TASOR2: variants seen among roughly 807,000 people sequenced by gnomAD.
TASOR2 encodes transcription activation suppressor family member 2, also known as protein TASOR 2.
In TASOR2, 84 loss-of-function variants were observed where a neutral mutation model predicts 199.5. The ratio of observed to expected loss-of-function variants is 0.42; its 90% CI spans 0.35 to 0.50. The LOEUF (loss-of-function observed/expected upper bound fraction) is 0.50. Among genes scored for constraint, TASOR2 ranks in the 20% least tolerant of loss-of-function variants. The pLI, the probability that TASOR2 is intolerant of heterozygous loss-of-function variation, is 0.02. For synonymous variants in TASOR2, 1,103 were observed against 1,046.6 expected (o/e 1.05, Z -1.04); for missense variants, 2,796 against 2,835.9 (o/e 0.99, Z 0.32).
chr10:5,733,784 T>G (rs1371619044), intron 11 of TASOR2, among the ~76,000 whole-genome samples: 1 of 152,212 alleles, frequency 6.6e-6, no homozygotes, highest in Non-Finnish European at 1.5e-5. Context: ...CTGATTTATT[T>G]TTATTTTGCT....
In TASOR2 at chr10:5,735,469, A is replaced by G. The variant is rs141323344; in HGVS notation, c.1370A>G (p.Lys457Arg). 1.8e-4 allele frequency: 291 copies of G among 1,614,202 alleles called. No homozygotes were observed. The highest frequency in any genetic ancestry group is 2.3e-4 in the Non-Finnish European group (273 of 1,180,024). The stretch of plus-strand genomic sequence containing the variant: ...GTTCCAAGGGCTAAGCCACCTGTGA[A>G]GAAATCTCCACAAAAACAGAGAGTA... Residue 457 changes from lysine (K) to arginine (R), a missense_variant, in exon 12 of 21, where the codon AAG becomes AGG. Around this residue, in one of 3 missense-constraint regions of TASOR2, gnomAD observed 847 missense variants for 887.4 expected, o/e 0.95. Coordinates refer to ENST00000328090, the Ensembl canonical transcript of TASOR2.
chr10:5,742,119 GAT>G lies in TASOR2; in HGVS notation c.2352_2353del (p.Asp784GlufsTer44). 5.0e-6 allele frequency: 8 copies of G among 1,614,080 alleles called. No homozygotes were observed. The highest frequency in any genetic ancestry group is 6.8e-6 in the Non-Finnish European group (8 of 1,179,998). ...TAGGCCCTGGAATACTGATTTGCCT[GAT>G]AATGTGGAAGAAGTGAAGCTTTTAC... On this transcript the variant is annotated frameshift_variant, in exon 14 of 21. Coordinates refer to ENST00000328090, the Ensembl canonical transcript of TASOR2. LOFTEE classifies it high-confidence loss of function. The surrounding 1 kb of genome is among the most constrained non-coding windows in gnomAD (Gnocchi z 4.2).
At chr10:5,749,864 A>G (rs769623793) in exon 15 of TASOR2, 26 of 1,614,118 alleles carry the variant, frequency 1.6e-5, no homozygotes, top group Non-Finnish European at 1.7e-6. Context: ...CAAGAGATGT[A>G]TCTGCCTTTC....
At chr10:5,715,321 A>G (rs1006556896) in intron 2 of TASOR2, among the ~76,000 whole-genome samples, 1 of 152,050 alleles carries the variant, frequency 6.6e-6, no homozygotes. Context: ...TAACCATCAT[A>G]ACAGTCAATT....
chr10:5,754,266 C>T lies in TASOR2; in HGVS notation c.6607-2347C>T, dbSNP rs565998735. ...TAAGCCACTGTGCTCCCAGCCTGCC[C>T]GACAGAGTGAGACTCCACAACAGAG... is the stretch of plus-strand genomic sequence containing the variant. On this transcript the variant is annotated intron_variant, in intron 15 of 20. Coordinates refer to ENST00000328090, the Ensembl canonical transcript of TASOR2. This position sits in a 1 kb window ranked among gnomAD's most constrained non-coding sequence, Gnocchi z 4.3. Among the ~76,000 whole-genome samples, 5 of 152,226 alleles carry T rather than the reference C, an allele frequency of 3.3e-5. No homozygotes were observed. The highest frequency in any genetic ancestry group is 4.1e-4 in the South Asian group (2 of 4,828).
chr10:5,714,243 A>G (rs1832310570), intron 2 of TASOR2, 36 bp downstream of exon 3: 5 of 1,201,536 alleles, frequency 4.2e-6, no homozygotes, highest in Non-Finnish European at 5.2e-6. Flanking sequence ...TTAAAAAAAA[A>G]TCTTCTTTTA....
chr10:5,762,632 T>G, exon 20 of TASOR2: 1 of 1,410,328 alleles, frequency 7.1e-7, no homozygotes, highest in Non-Finnish European at 9.8e-7. Flanking sequence ...CAGCTCCATT[T>G]AGGAGTAGCT....
chr10:5,746,527 G>A (rs1445272281), exon 15 of TASOR2: 2 of 1,613,952 alleles, frequency 1.2e-6, no homozygotes, highest in Non-Finnish European at 1.7e-6. Context: ...CCCTTCCTTG[G>A]AAAGAAAGGA....
chr10:5,720,140 A>G lies in TASOR2; in HGVS notation c.-99-404A>G, dbSNP rs565871228. On this transcript the variant is annotated intron_variant, in intron 3 of 20. Coordinates refer to ENST00000328090, the Ensembl canonical transcript of TASOR2. This position sits in a 1 kb window ranked among gnomAD's most constrained non-coding sequence, Gnocchi z 5.3. Reference sequence around the variant, plus strand: ...GTTTTTCTAAGAAGTATAGTTCTTAATACAGTTACTGTTAGGGGACACATA... The same window carrying G: ...GTTTTTCTAAGAAGTATAGTTCTTAGTACAGTTACTGTTAGGGGACACATA... 1.9e-4 allele frequency: 72 copies of G among 369,650 alleles called. No homozygotes were observed. Among genetic ancestry groups the G allele is most frequent in the Admixed American group, 1.9e-3 (29 of 15,532 alleles). The allele number at this position is 369,650 out of a possible 1,614,324, so 22.9% of individuals were successfully genotyped here.
chr10:5,726,324 G>A (rs1158550942), intron 8 of TASOR2, among the ~76,000 whole-genome samples: 1 of 152,080 alleles, frequency 6.6e-6, no homozygotes, highest in Non-Finnish European at 1.5e-5. Context: ...TCTAATAGAG[G>A]GGAACAAAAG....
rs745809270 is a variant in TASOR2 at position 5,748,158 on chromosome 10, A to C, written c.4737A>C (p.Arg1579Ser). ...CCAGTGAACCTCCATTTGGTCCTAG[A>C]AATGTTATTGAAAATAAGTCTTTGT... is the stretch of plus-strand genomic sequence containing the variant. The change falls in exon 15 of 21, where the codon AGA becomes AGC. Residue 1579 changes from arginine (R) to serine (S), a missense_variant. Transcript: ENST00000328090. The surrounding 1 kb of genome is among the most constrained non-coding windows in gnomAD (Gnocchi z 5.1). 3.1e-6 allele frequency: 5 copies of C among 1,614,232 alleles called. No individual in the cohort carries two copies. The highest frequency in any genetic ancestry group is 2.2e-5 in the South Asian group (2 of 91,090).
At position 5,750,496 on chromosome 10, in the gene TASOR2, G is replaced by A. The variant is rs758286616; in HGVS notation, c.6606+469G>A. ...CTTAAATTTAAGTAATGGAACCATGGTGAAATTCTGGCATGGGCGGAGCCT... is the reference window on the plus strand; with the variant it reads ...CTTAAATTTAAGTAATGGAACCATGATGAAATTCTGGCATGGGCGGAGCCT... On this transcript the variant is annotated intron_variant, in intron 15 of 20. Coordinates refer to ENST00000328090, the Ensembl canonical transcript of TASOR2. This position sits in a 1 kb window ranked among gnomAD's most constrained non-coding sequence, Gnocchi z 5.4. Among the ~76,000 whole-genome samples the A allele has an allele frequency of 4.6e-5, 7 of 152,188 alleles. No individual in the cohort carries two copies. The highest frequency in any genetic ancestry group is 8.8e-5 in the Non-Finnish European group (6 of 68,026).
At chr10:5,757,881 AC>A (rs1480923809) in intron 17 of TASOR2, among the ~76,000 whole-genome samples, 2 of 151,802 alleles carry the variant, frequency 1.3e-5, no homozygotes, top group African/African-American at 4.8e-5. Context: ...ACTGATTCTT[AC>A]CACCACACTT....
Position 5,701,437 on chromosome 10 carries a change from T to G in TASOR2, c.-287-11386T>G, listed in dbSNP as rs151028981. 5.3e-5 allele frequency among the ~76,000 whole-genome samples: 8 copies of G among 152,340 alleles called. No individual in the cohort carries two copies. Among genetic ancestry groups the G allele is most frequent in the African/African-American group, 1.9e-4 (8 of 41,582 alleles). ...TTTTTGCTTAGTATTGGTTTGGCTA[T>G]TCAGGATCTTTTGTGGTTCCATATA... On this transcript the variant is annotated intron_variant, in intron 1 of 20. Transcript: ENST00000328090. The surrounding 1 kb of genome is among the most constrained non-coding windows in gnomAD (Gnocchi z 4.9).
rs945044795 is a variant in TASOR2, at chr10:5,710,407, A to G, written c.-287-2416A>G. On this transcript the variant is annotated intron_variant, in intron 1 of 20. Coordinates refer to ENST00000328090, the Ensembl canonical transcript of TASOR2. This position sits in a 1 kb window ranked among gnomAD's most constrained non-coding sequence, Gnocchi z 4.6. The stretch of plus-strand genomic sequence containing the variant: ...TGGAAGCATTTTTAACCATAAATAA[A>G]TAGTTCTGGAAATAAAAATATATAT... Among the ~76,000 whole-genome samples, 8 of 152,156 alleles carry G rather than the reference A, an allele frequency of 5.3e-5. No homozygotes were observed. Among genetic ancestry groups the G allele is most frequent in the African/African-American group, 1.9e-4 (8 of 41,456 alleles).
In TASOR2 at chr10:5,685,485, T is replaced by C. The variant is rs926973795; in HGVS notation, c.-288+310T>C. On this transcript the variant is annotated intron_variant, in intron 1 of 20. Coordinates refer to ENST00000328090, the Ensembl canonical transcript of TASOR2. The surrounding 1 kb of genome is among the most constrained non-coding windows in gnomAD (Gnocchi z 5.4). ...CAGGGGACAGCTGCGTCCTCAGGGA[T>C]ATGCTGATAAGTTCTTGGCTGAAGT... Among the ~76,000 whole-genome samples, 2 of 152,160 alleles carry C rather than the reference T, an allele frequency of 1.3e-5. No homozygotes were observed. Among genetic ancestry groups the C allele is most frequent in the African/African-American group, 4.8e-5 (2 of 41,434 alleles).
chr10:5,747,524 C>A (rs756669715), exon 15 of TASOR2: 1 of 1,614,114 alleles, frequency 6.2e-7, no homozygotes, highest in African/African-American at 1.3e-5. Flanking sequence ...CAACCAGTTA[C>A]TTTAATACTT....
rs1159624948 is a variant in TASOR2, at chr10:5,740,046, G to T, written c.1876G>T (p.Ala626Ser). Residue 626 changes from alanine (A) to serine (S), a missense_variant, in exon 13 of 21, where the codon GCC (alanine) becomes TCC (serine). Physicochemically the swap from Ala to Ser is moderately conservative, Grantham distance 99. Transcript: ENST00000328090. This position sits in a 1 kb window ranked among gnomAD's most constrained non-coding sequence, Gnocchi z 5.3. ...AGAAAGCTTGGTTCCTTGTAGTCAG[G>T]CCCCTGCTAAAGCCCAGTCAGCACT... 6.2e-7 allele frequency: 1 copy of T among 1,614,050 alleles called. No individual in the cohort carries two copies. Among genetic ancestry groups the T allele is most frequent in the Non-Finnish European group, 8.5e-7 (1 of 1,180,044 alleles).
Position 5,748,452 on chromosome 10 carries a change from G to A in TASOR2, c.5031G>A (p.Glu1677=). Residue 1677 remains glutamate, a synonymous_variant, in exon 15 of 21, where the codon GAG becomes GAA. Transcript: ENST00000328090. This position sits in a 1 kb window ranked among gnomAD's most constrained non-coding sequence, Gnocchi z 5.1. ...ATTATGTAAGACCAATAAATGCAGA[G>A]CCAGTGTTTCAAGCACAGGAAATAC... 1 of 1,614,180 alleles carries A rather than the reference G, an allele frequency of 6.2e-7. No individual in the cohort carries two copies.
Sources: allele counts gnomAD v4.1 joint callset (sites outside exome capture counted in the v4.1 genomes callset), GRCh38; gene constraint gnomAD v4.1.1; regional missense constraint gnomAD v4.1.1; non-coding constraint Gnocchi (gnomAD v3.1); transcripts MANE v1.5; gene names NCBI Gene and HGNC (gene_info 2026-07-23, HGNC 2026-07-21).